The following MEIKIN variants were observed in gnomAD, a reference collection of about 807,000 sequenced individuals.
MEIKIN encodes meiotic kinetochore factor, also known as meiosis-specific kinetochore protein.
chr5:131,934,566 A>T (rs1428233841), intron 4 of MEIKIN, among the ~76,000 whole-genome samples: 2 of 152,202 alleles, frequency 1.3e-5, no homozygotes, highest in African/African-American at 2.4e-5. Context: ...CATGTAAAGA[A>T]ATTAACTCTA....
chr5:131,932,054 TG>T (rs2149652155), intron 5 of MEIKIN, among the ~76,000 whole-genome samples: 1 of 152,274 alleles, frequency 6.6e-6, no homozygotes, highest in East Asian at 1.9e-4. Flanking sequence ...TATTTTCTTC[TG>T]GGGTACTCAG....
chr5:131,813,087 C>G (rs1773026506), intron 12 of MEIKIN, among the ~76,000 whole-genome samples: 1 of 152,196 alleles, frequency 6.6e-6, no homozygotes, highest in Admixed American at 6.5e-5. Flanking sequence ...TGAGCAGGCC[C>G]TGAAGTCATA....
At position 131,844,449 on chromosome 5, in the gene MEIKIN, G is replaced by A. The variant is rs1276089382; in HGVS notation, c.975+6815C>T. Among the ~76,000 whole-genome samples the A allele has an allele frequency of 3.9e-5, 6 of 152,194 alleles. No homozygotes were observed. In the East Asian group the frequency reaches 1.2e-3, roughly 29 times the overall value. On this transcript the variant is annotated intron_variant, in intron 11 of 12. Transcript: ENST00000442687. ...GCCTTGAGAGAATTTCTAGCCTGCA[G>A]TACAGGGAGGGAAAACTAAGCAGTA...
chr5:131,895,300 C>A (rs1751017804), intron 8 of MEIKIN, among the ~76,000 whole-genome samples: 1 of 152,142 alleles, frequency 6.6e-6, no homozygotes, highest in African/African-American at 2.4e-5. Flanking sequence ...CAGTATTTTA[C>A]TGAGGATTTT....
At chr5:131,856,966 T>G (rs1026648260) in intron 9 of MEIKIN, among the ~76,000 whole-genome samples, 1 of 151,588 alleles carries the variant, frequency 6.6e-6, no homozygotes, top group Non-Finnish European at 1.5e-5. Flanking sequence ...ATTTATTTAT[T>G]TTTATTATAC....
At chr5:131,915,073 C>T (rs188227821) in intron 7 of MEIKIN, among the ~76,000 whole-genome samples, 333 of 152,202 alleles carry the variant, frequency 2.2e-3, no homozygotes, top group Middle Eastern at 0.02. Context: ...AGAACAAGTT[C>T]TCAAGGTTCC....
chr5:131,851,436 G>A, intron 10 of MEIKIN, 53 bp from the exon 11 acceptor site: 1 of 395,464 alleles, frequency 2.5e-6, no homozygotes, highest in Non-Finnish European at 4.5e-6. Context: ...CAAAAGCAAT[G>A]ATTTTTAAGT....
chr5:131,820,412 T>C (rs866167378), intron 11 of MEIKIN, among the ~76,000 whole-genome samples: 10 of 152,188 alleles, frequency 6.6e-5, no homozygotes, highest in Admixed American at 2.6e-4. Context: ...AAATGTATTG[T>C]TGAATTTGGT....
chr5:131,832,082 C>T (rs1406253057), intron 11 of MEIKIN, among the ~76,000 whole-genome samples: 1 of 152,154 alleles, frequency 6.6e-6, no homozygotes, highest in Non-Finnish European at 1.5e-5. Flanking sequence ...GAAGTCTTAA[C>T]TCATTTCAGC....
At chr5:131,871,072 G>A (rs992121378) in intron 9 of MEIKIN, among the ~76,000 whole-genome samples, 4 of 152,236 alleles carry the variant, frequency 2.6e-5, no homozygotes, top group Admixed American at 6.5e-5. Context: ...CCCAGCATGA[G>A]CGACGCAGAA....
chr5:131,935,467 G>C (rs1751762068), intron 4 of MEIKIN, among the ~76,000 whole-genome samples: 1 of 152,128 alleles, frequency 6.6e-6, no homozygotes. Context: ...GATGGTGACA[G>C]AACATAGTAC....
intron 9 of MEIKIN, among the ~76,000 whole-genome samples, chr5:131,874,929 A>G (rs555444101): frequency 2.0e-5 from 3 of 152,218 alleles, no homozygotes; most frequent in Admixed American, 6.5e-5. Flanking sequence ...AAAGGCCTTC[A>G]ACAAAATTCA....
intron 9 of MEIKIN, among the ~76,000 whole-genome samples, chr5:131,873,178 G>T (rs1009535092): frequency 6.6e-6 from 1 of 152,256 alleles, no homozygotes; most frequent in East Asian, 1.9e-4. Flanking sequence ...GGGACTAAAT[G>T]CTCCAATTAA....
intron 9 of MEIKIN, among the ~76,000 whole-genome samples, chr5:131,869,108 T>C (rs776067997): frequency 1.3e-5 from 2 of 152,256 alleles, no homozygotes; most frequent in Admixed American, 6.5e-5. Context: ...GTTTACAGTT[T>C]TGCATTTTAC....
At position 131,814,220 on chromosome 5, in the gene MEIKIN, ACACT is replaced by A. The variant is rs540967247; in HGVS notation, c.1099+4516_1099+4519del. On this transcript the variant is annotated intron_variant, in intron 12 of 12. Coordinates refer to ENST00000442687, the MANE Select transcript of MEIKIN (RefSeq NM_001303622.2). Reference sequence around the variant, plus strand: ...TGCATCCTTTAATTCAATCAAGTTGACACTCAGTAATCCATCACAAGTGGACTGA... The same window carrying A: ...TGCATCCTTTAATTCAATCAAGTTGACAGTAATCCATCACAAGTGGACTGA... Among the ~76,000 whole-genome samples the A allele has an allele frequency of 8.6e-5, 13 of 152,008 alleles. No homozygotes were observed. The South Asian group carries it at 2.7e-3, about 32-fold the overall frequency.
chr5:131,890,075 G>C (rs536817122), intron 8 of MEIKIN, among the ~76,000 whole-genome samples: 2 of 152,260 alleles, frequency 1.3e-5, no homozygotes, highest in African/African-American at 4.8e-5. Flanking sequence ...CTTGATCATG[G>C]TGGATAAGCT....
intron 9 of MEIKIN, among the ~76,000 whole-genome samples, chr5:131,878,194 C>T (rs2149628177): frequency 6.6e-6 from 1 of 151,706 alleles, no homozygotes; most frequent in Admixed American, 6.5e-5. Flanking sequence ...ATAGCTTTTC[C>T]ATAAATTGAA....
chr5:131,862,590 T>TA (rs1195522736), intron 9 of MEIKIN, among the ~76,000 whole-genome samples: 1 of 152,222 alleles, frequency 6.6e-6, no homozygotes, highest in African/African-American at 2.4e-5. Context: ...CATAAGCACA[T>TA]ACTACTTTTT....
intron 12 of MEIKIN, among the ~76,000 whole-genome samples, chr5:131,812,914 A>G (rs1304220478): frequency 1.3e-5 from 2 of 152,228 alleles, no homozygotes; most frequent in Admixed American, 1.3e-4. Context: ...GCTTATTGCC[A>G]AATTTTAGTA....
Sources: allele counts gnomAD v4.1 joint callset (sites outside exome capture counted in the v4.1 genomes callset), GRCh38; gene constraint gnomAD v4.1.1; transcripts MANE v1.5; gene names NCBI Gene and HGNC (gene_info 2026-07-23, HGNC 2026-07-21).